Variants in ALPK1 observed in about 807,000 individuals in gnomAD.
The protein encoded by ALPK1 is alpha kinase 1.
Under a neutral mutation model 120.6 loss-of-function variants are expected in ALPK1, and 110 were observed. The observed-to-expected ratio is 0.91, with a 90% CI of 0.78 to 1.07. The LOEUF (loss-of-function observed/expected upper bound fraction) is 1.07, where lower values mean the gene tolerates loss of function less well. ALPK1 is among the 50% of genes least tolerant of loss of function. The pLI, the probability that ALPK1 is intolerant of heterozygous loss-of-function variation, is 0.00. For synonymous variants in ALPK1, 582 were observed against 560.3 expected (o/e 1.04, Z -0.55); for missense variants, 1,498 against 1,483.9 (o/e 1.01, Z -0.16).
chr4:112,330,142 C>T (rs1472737831), intron 2 of ALPK1, among the ~76,000 whole-genome samples: 2 of 152,166 alleles, frequency 1.3e-5, no homozygotes, highest in Admixed American at 1.3e-4. Context: ...GTAGAGCTTA[C>T]AGAAAGTTCT....
chr4:112,377,349 C>T (rs1291854228), intron 2 of ALPK1, among the ~76,000 whole-genome samples: 1 of 152,180 alleles, frequency 6.6e-6, no homozygotes, highest in African/African-American at 2.4e-5. Context: ...AGTGTGGTGC[C>T]ACTGAGCTCC....
At chr4:112,335,905 A>G (rs1319983701) in intron 2 of ALPK1, among the ~76,000 whole-genome samples, 1 of 152,136 alleles carries the variant, frequency 6.6e-6, no homozygotes, top group Admixed American at 6.5e-5. Flanking sequence ...TTCAATCTGA[A>G]TGGATATGGG....
Position 112,407,703 on chromosome 4 carries a change from T to A in ALPK1, c.277-4124T>A, listed in dbSNP as rs558940218. Among the ~76,000 whole-genome samples the A allele has an allele frequency of 2.2e-4, 33 of 152,322 alleles. No individual in the cohort carries two copies. In the South Asian group the frequency reaches 6.8e-3, roughly 32 times the overall value. ...GGTCCTATACAAGTGGAAACCATTA[T>A]TCCCTGTGAGGAAAGAGTGGGGAAT... On this transcript the variant is annotated intron_variant, in intron 4 of 15. Coordinates refer to ENST00000650871, the MANE Select transcript of ALPK1 (RefSeq NM_025144.4).
intron 2 of ALPK1, chr4:112,358,727 G>T: frequency 1.3e-6 from 1 of 780,382 alleles, no homozygotes; most frequent in Admixed American, 1.7e-5. Flanking sequence ...AGATCCAGCT[G>T]GTCAGCCACT....
chr4:112,304,601 G>GT (rs1208993249), intron 1 of ALPK1, among the ~76,000 whole-genome samples: 2 of 151,972 alleles, frequency 1.3e-5, no homozygotes, highest in African/African-American at 4.8e-5. Context: ...GGGGTTGTTT[G>GT]TTTTTTTCTT....
At chr4:112,318,839 C>T (rs973701837) in intron 2 of ALPK1, among the ~76,000 whole-genome samples, 3 of 152,220 alleles carry the variant, frequency 2.0e-5, no homozygotes, top group Non-Finnish European at 2.9e-5. Context: ...TGATGTTAGA[C>T]TCTGCCATAC....
intron 2 of ALPK1, among the ~76,000 whole-genome samples, chr4:112,324,195 C>T (rs1376153344): frequency 6.6e-6 from 1 of 152,066 alleles, no homozygotes; most frequent in Non-Finnish European, 1.5e-5. Context: ...GGCATGGTGG[C>T]AGGCGCCTGT....
chr4:112,318,149 A>G (rs1728718980), intron 2 of ALPK1, among the ~76,000 whole-genome samples: 1 of 152,326 alleles, frequency 6.6e-6, no homozygotes, highest in Admixed American at 6.5e-5. Flanking sequence ...CTTTTGACTA[A>G]CTACAACTCT....
At chr4:112,358,871 T>G in intron 2 of ALPK1, 1 of 778,784 alleles carries the variant, frequency 1.3e-6, no homozygotes. Flanking sequence ...CCGATGACTT[T>G]GCTGCCCTGG....
chr4:112,394,764 T>C (rs1163920279), intron 4 of ALPK1, among the ~76,000 whole-genome samples: 5 of 152,172 alleles, frequency 3.3e-5, no homozygotes, highest in Admixed American at 3.3e-4. Flanking sequence ...TGTCTCCCCA[T>C]AATGAGGCCT....
intron 2 of ALPK1, among the ~76,000 whole-genome samples, chr4:112,321,764 G>C (rs1728876349): frequency 6.6e-6 from 1 of 152,132 alleles, no homozygotes; most frequent in Non-Finnish European, 1.5e-5. Flanking sequence ...TTACTGAAAT[G>C]AAATTCAAAT....
At chr4:112,360,162 A>C (rs185480230) in intron 2 of ALPK1, among the ~76,000 whole-genome samples, 2 of 152,188 alleles carry the variant, frequency 1.3e-5, no homozygotes, top group African/African-American at 4.8e-5. Context: ...CAAATATGTG[A>C]GATCATATGT....
chr4:112,306,878 G>A (rs76775127), intron 1 of ALPK1, among the ~76,000 whole-genome samples: 3,055 of 152,102 alleles, frequency 0.02, 68 homozygotes, highest in Non-Finnish European at 0.031. Context: ...GCTTCCTCTT[G>A]TGGGCATTTA....
At chr4:112,405,384 C>T (rs938187811) in intron 4 of ALPK1, among the ~76,000 whole-genome samples, 17 of 152,158 alleles carry the variant, frequency 1.1e-4, no homozygotes, top group Admixed American at 5.9e-4. Context: ...AGCCACCTCC[C>T]GGGAAGTCTT....
chr4:112,384,955 A>G (rs1421459738), intron 4 of ALPK1: 2 of 152,254 alleles, frequency 1.3e-5, no homozygotes, highest in Non-Finnish European at 2.9e-5. Flanking sequence ...GCCTAGTGGC[A>G]TAAAAGAACT....
At chr4:112,389,708 T>C (rs934517337) in intron 4 of ALPK1, among the ~76,000 whole-genome samples, 1 of 152,198 alleles carries the variant, frequency 6.6e-6, no homozygotes, top group Non-Finnish European at 1.5e-5. Context: ...TGCCTTTACC[T>C]GAGACAGCAC....
At chr4:112,426,365 G>A (rs1266628236) in intron 7 of ALPK1, 102 bp from the exon 8 acceptor site, 1 of 843,424 alleles carries the variant, frequency 1.2e-6, no homozygotes, top group Non-Finnish European at 1.9e-6. Flanking sequence ...AATCTAATGA[G>A]TCTTGGTTCT....
intron 2 of ALPK1, chr4:112,343,205 C>T (rs1309192712): frequency 1.3e-5 from 2 of 152,220 alleles, no homozygotes; most frequent in African/African-American, 2.4e-5. Context: ...CACGGTTCAT[C>T]GTATCCTTTG....
Position 112,432,213 on chromosome 4 carries a change from A to G in ALPK1, c.2666A>G (p.Asn889Ser), listed in dbSNP as rs764056154. 5.0e-6 allele frequency: 8 copies of G among 1,614,190 alleles called. No individual in the cohort carries two copies. Among genetic ancestry groups the G allele is most frequent in the Middle Eastern group, 1.6e-4 (1 of 6,062 alleles). Residue 889 changes from asparagine to serine, a missense_variant, in exon 11 of 16, where the codon AAT becomes AGT. Transcript: ENST00000650871. Reference sequence around the variant, plus strand: ...CCTGGTCAGAGGGCGGAGACCCCCAATTCCTCTGTAAGCGGTAACATCCTC... The same window carrying G: ...CCTGGTCAGAGGGCGGAGACCCCCAGTTCCTCTGTAAGCGGTAACATCCTC... The part of the protein sequence containing the change: ...QPPGQRAETP[N>S]SSVSGNILFP...
Sources: allele counts gnomAD v4.1 joint callset (sites outside exome capture counted in the v4.1 genomes callset), GRCh38; gene constraint gnomAD v4.1.1; transcripts MANE v1.5; gene names NCBI Gene and HGNC (gene_info 2026-07-23, HGNC 2026-07-21).